PRPH2: variants seen among roughly 807,000 people sequenced by gnomAD.
The protein encoded by PRPH2 is peripherin 2.
A neutral mutation model predicts 31.3 loss-of-function variants in PRPH2; 17 were observed. That is an observed-to-expected ratio of 0.54 (90% CI 0.37 to 0.81). The LOEUF (loss-of-function observed/expected upper bound fraction) is 0.81, where lower values mean the gene tolerates loss of function less well. Among genes scored for constraint, PRPH2 ranks in the 40% least tolerant of loss-of-function variants. The pLI is 0.00. For synonymous variants in PRPH2, 165 were observed against 184.4 expected (o/e 0.89, Z 0.85); for missense variants, 430 against 439.7 (o/e 0.98, Z 0.20).
In PRPH2 at chr6:42,712,134, G is replaced by A. The variant is rs141229301; in HGVS notation, c.582-7523C>T. On this transcript the variant is annotated intron_variant, in intron 1 of 2. Coordinates refer to ENST00000230381, the MANE Select transcript of PRPH2 (RefSeq NM_000322.5). ...ACAAGTTAGACAACACCATTTGGCT[G>A]CAATTGCCCAACTCCAAACTATGGG... Among the ~76,000 whole-genome samples the A allele has an allele frequency of 3.0e-3, 461 of 152,300 alleles. 9 individuals are homozygous for A. The highest frequency in any genetic ancestry group is 0.01 in the African/African-American group (423 of 41,576).
At chr6:42,714,016 T>G (rs1385624310) in intron 1 of PRPH2, among the ~76,000 whole-genome samples, 1 of 151,534 alleles carries the variant, frequency 6.6e-6, no homozygotes, top group Non-Finnish European at 1.5e-5. Context: ...CTGGATAATT[T>G]GAGGTTTCTG....
intron 2 of PRPH2, among the ~76,000 whole-genome samples, chr6:42,702,907 T>A (rs904325402): frequency 1.5e-4 from 23 of 151,760 alleles, no homozygotes; most frequent in African/African-American, 5.1e-4. Flanking sequence ...CCAGATGCAG[T>A]GGCACACACC....
At chr6:42,709,068 C>G (rs567407023) in intron 1 of PRPH2, among the ~76,000 whole-genome samples, 1 of 152,108 alleles carries the variant, frequency 6.6e-6, no homozygotes, top group Non-Finnish European at 1.5e-5. Context: ...CGGTGGCTCA[C>G]GCCTGTAATC....
At chr6:42,718,494 A>G (rs781550088) in intron 1 of PRPH2, among the ~76,000 whole-genome samples, 9 of 152,066 alleles carry the variant, frequency 5.9e-5, no homozygotes, top group Non-Finnish European at 8.8e-5. Context: ...AATTAATTAA[A>G]TAAAAATAAA....
In PRPH2 at chr6:42,704,458, C is replaced by G; in HGVS notation, c.735G>C (p.Leu245=). 1 of 1,613,608 alleles carries G rather than the reference C, an allele frequency of 6.2e-7. No homozygotes were observed. Among genetic ancestry groups the G allele is most frequent in the Non-Finnish European group, 8.5e-7 (1 of 1,179,780 alleles). Residue 245 remains leucine (L), a synonymous_variant, in exon 2 of 3, where the codon CTG becomes CTC. Coordinates refer to ENST00000230381, the MANE Select transcript of PRPH2 (RefSeq NM_000322.5). The stretch of plus-strand genomic sequence containing the variant: ...GGGCAGCCCTGCAGCCACGCACCCA[C>G]AGGTTGAGCTCCTCCGTCTGGTGGT... ...SYDHQTEELN[L]WVRGCRAALL... is the part of the protein sequence containing the mutation.
chr6:42,715,408 C>T (rs1430008066), intron 1 of PRPH2, among the ~76,000 whole-genome samples: 4 of 152,136 alleles, frequency 2.6e-5, no homozygotes, highest in East Asian at 3.9e-4. Context: ...CAGTGGCTCA[C>T]ACCTGTAATC....
At chr6:42,706,973 A>ATTT (rs1582767460) in intron 1 of PRPH2, among the ~76,000 whole-genome samples, 1 of 119,068 alleles carries the variant, frequency 8.4e-6, no homozygotes, top group African/African-American at 3.7e-5. Context: ...TATCTTGGAG[A>ATTT]TCTTTTTTTT....
intron 1 of PRPH2, among the ~76,000 whole-genome samples, chr6:42,705,605 T>A (rs1270045600): frequency 0.057 from 626 of 10,946 alleles, 19 homozygotes; most frequent in African/African-American, 0.19. Context: ...AAAAAATATA[T>A]ATATATATAT....
Position 42,721,774 on chromosome 6 carries a change from A to G in PRPH2, c.561T>C (p.Phe187=), listed in dbSNP as rs1761905423. The G allele has an allele frequency of 1.2e-6, 2 of 1,614,218 alleles. No homozygotes were observed. Among genetic ancestry groups the G allele is most frequent in the East Asian group, 4.5e-5 (2 of 44,890 alleles). ...CTCACTCTTTGACTTCTTTGGAGGAAAAGTCCAGGTAGCGATTGCTGATCC... is the reference window on the plus strand; with the variant it reads ...CTCACTCTTTGACTTCTTTGGAGGAGAAGTCCAGGTAGCGATTGCTGATCC... ...IQWISNRYLD[F]SSKEVKDRIK... is the part of the protein sequence containing the mutation. Residue 187 remains phenylalanine, a synonymous_variant, in exon 1 of 3, where the codon TTT becomes TTC. Transcript: ENST00000230381.
intron 1 of PRPH2, among the ~76,000 whole-genome samples, chr6:42,710,500 AT>A (rs1659262772): frequency 6.6e-6 from 1 of 152,158 alleles, no homozygotes; most frequent in Non-Finnish European, 1.5e-5. Flanking sequence ...GCTTGCCCTC[AT>A]TCCAACCACA....
In PRPH2 at chr6:42,721,704, G is replaced by C. The variant is rs980078719; in HGVS notation, c.581+50C>G. Reference sequence around the variant, plus strand: ...GGGCTGGTCAGAGGCCTGAGCCTCAGTGTCCCCAATATATTCATAGCTCTG... The same window carrying C: ...GGGCTGGTCAGAGGCCTGAGCCTCACTGTCCCCAATATATTCATAGCTCTG... On this transcript the variant is annotated intron_variant, in intron 1 of 2. Transcript: ENST00000230381. The C allele has an allele frequency of 2.5e-6, 4 of 1,604,342 alleles. No homozygotes were observed. In the Admixed American group the frequency reaches 5.0e-5, roughly 20 times the overall value.
At chr6:42,707,020 C>G (rs953715264) in intron 1 of PRPH2, among the ~76,000 whole-genome samples, 22 of 129,728 alleles carry the variant, frequency 1.7e-4, no homozygotes, top group Admixed American at 1.1e-3. Context: ...GAGTCTTGCT[C>G]TGTCACCCAG....
chr6:42,722,369 C>T lies in PRPH2; in HGVS notation c.-35G>A. ...GTGTAGTCCGGGTTGCTTCCCACAG[C>T]ACAGCTCCCACCCCAAACCTTAACG... On this transcript the variant is annotated 5_prime_UTR_variant, in exon 1 of 3. Coordinates refer to ENST00000230381, the MANE Select transcript of PRPH2 (RefSeq NM_000322.5). This position sits in a 1 kb window ranked among gnomAD's most constrained non-coding sequence, Gnocchi z 4.4. The T allele has an allele frequency of 4.3e-6, 7 of 1,610,484 alleles. No individual in the cohort carries two copies. The highest frequency in any genetic ancestry group is 5.9e-6 in the Non-Finnish European group (7 of 1,179,906).
chr6:42,710,292 T>G (rs1429339957), intron 1 of PRPH2, among the ~76,000 whole-genome samples: 5 of 152,140 alleles, frequency 3.3e-5, no homozygotes, highest in African/African-American at 1.2e-4. Context: ...TGGGGCTTCC[T>G]AAAGACAGGG....
chr6:42,717,698 G>C (rs981586877), intron 1 of PRPH2, among the ~76,000 whole-genome samples: 1 of 152,150 alleles, frequency 6.6e-6, no homozygotes, highest in African/African-American at 2.4e-5. Flanking sequence ...GGAGGTGGGA[G>C]TAAATGCCAT....
At position 42,704,421 on chromosome 6, in the gene PRPH2, A is replaced by T; in HGVS notation, c.772T>A (p.Tyr258Asn). The change falls in exon 2 of 3, where the codon TAC (tyrosine) becomes AAC (asparagine). Residue 258 changes from tyrosine to asparagine, a missense_variant. Physicochemically the swap from Tyr to Asn is moderately radical, Grantham distance 143 (BLOSUM62 -2). Coordinates refer to ENST00000230381, the MANE Select transcript of PRPH2 (RefSeq NM_000322.5). ...CCCATGGAGTTCATGAGGCTGCTGTAGTAGCTCAGCAGGGCAGCCCTGCAG... is the reference window on the plus strand; with the variant it reads ...CCCATGGAGTTCATGAGGCTGCTGTTGTAGCTCAGCAGGGCAGCCCTGCAG... ...RGCRAALLSY[Y>N]SSLMNSMGVV... is the part of the protein sequence containing the mutation. 6.2e-7 allele frequency: 1 copy of T among 1,611,054 alleles called. No homozygotes were observed. Among genetic ancestry groups the T allele is most frequent in the Non-Finnish European group, 8.5e-7 (1 of 1,178,716 alleles).
At chr6:42,708,522 GC>G (rs1327866060) in intron 1 of PRPH2, among the ~76,000 whole-genome samples, 7 of 152,174 alleles carry the variant, frequency 4.6e-5, no homozygotes, top group Non-Finnish European at 8.8e-5. Flanking sequence ...CTCTGGAGGG[GC>G]CAGTAGCCCT....
At chr6:42,714,033 A>G (rs776856817) in intron 1 of PRPH2, among the ~76,000 whole-genome samples, 1 of 151,916 alleles carries the variant, frequency 6.6e-6, no homozygotes, top group Non-Finnish European at 1.5e-5. Context: ...TCTGTCACTC[A>G]GTGAGCAAAC....
At chr6:42,717,801 G>T (rs867567385) in intron 1 of PRPH2, among the ~76,000 whole-genome samples, 2 of 152,240 alleles carry the variant, frequency 1.3e-5, no homozygotes, top group South Asian at 4.1e-4. Context: ...AGGCAACCCA[G>T]CTCTGAGCAG....
Sources: allele counts gnomAD v4.1 joint callset (sites outside exome capture counted in the v4.1 genomes callset), GRCh38; gene constraint gnomAD v4.1.1; non-coding constraint Gnocchi (gnomAD v3.1); transcripts MANE v1.5; gene names NCBI Gene and HGNC (gene_info 2026-07-23, HGNC 2026-07-21).